Variants in NPR3 observed in about 807,000 individuals in gnomAD.
NPR3 encodes atrial natriuretic peptide receptor 3.
Under a neutral mutation model 54.5 loss-of-function variants are expected in NPR3, and 34 were observed. The ratio of observed to expected loss-of-function variants is 0.62; its 90% confidence interval spans 0.47 to 0.83. NPR3 has a LOEUF of 0.83. Among genes scored for constraint, NPR3 ranks in the 40% least tolerant of loss-of-function variants. The pLI, the probability that NPR3 is intolerant of heterozygous loss-of-function variation, is 0.00. For synonymous variants in NPR3, 289 were observed against 297.1 expected (o/e 0.97, Z 0.28); for missense variants, 674 against 720.8 (o/e 0.94, Z 0.74).
intron 3 of NPR3, among the ~76,000 whole-genome samples, chr5:32,761,792 T>C (rs997988853): frequency 4.6e-5 from 7 of 151,636 alleles, no homozygotes; most frequent in Admixed American, 1.3e-4. Flanking sequence ...CTCAAAAATA[T>C]AATTTTTTTT....
At chr5:32,746,639 C>G (rs1037867519) in intron 3 of NPR3, among the ~76,000 whole-genome samples, 1 of 152,214 alleles carries the variant, frequency 6.6e-6, no homozygotes, top group African/African-American at 2.4e-5. Context: ...AGACAGTTCA[C>G]TCTTTTCAAT....
At chr5:32,774,595 T>A (rs1449397293) in intron 3 of NPR3, 113 bp from the exon 4 acceptor site, 11 of 783,930 alleles carry the variant, frequency 1.4e-5, no homozygotes, top group Non-Finnish European at 2.2e-5. Context: ...TGCCCACCTC[T>A]GCCATGGCTA....
chr5:32,741,844 G>A (rs924548027), intron 3 of NPR3, among the ~76,000 whole-genome samples: 1 of 151,302 alleles, frequency 6.6e-6, no homozygotes, highest in African/African-American at 2.4e-5. Flanking sequence ...TCCTGCCTTC[G>A]ACTCTGGAGT....
intron 3 of NPR3, among the ~76,000 whole-genome samples, chr5:32,767,088 T>C (rs2112029141): frequency 6.6e-6 from 1 of 152,364 alleles, no homozygotes; most frequent in Admixed American, 6.5e-5. Context: ...ACATTGTCAG[T>C]CTTAGTCTTG....
intron 2 of NPR3, among the ~76,000 whole-genome samples, chr5:32,728,837 GTAT>G (rs1739283486): frequency 2.1e-5 from 1 of 48,012 alleles, no homozygotes; most frequent in Admixed American, 3.3e-4. Flanking sequence ...GTGTGTGTGT[GTAT>G]ATATATATAT....
intron 2 of NPR3, among the ~76,000 whole-genome samples, chr5:32,728,218 T>C (rs1324643569): frequency 6.6e-6 from 1 of 152,192 alleles, no homozygotes; most frequent in African/African-American, 2.4e-5. Context: ...ATGCTAGCAC[T>C]TTGGGAGGCT....
intron 2 of NPR3, among the ~76,000 whole-genome samples, chr5:32,729,251 G>C (rs1024350391): frequency 1.3e-5 from 2 of 151,798 alleles, no homozygotes; most frequent in South Asian, 2.1e-4. Flanking sequence ...GGATGGTCTC[G>C]ATCTCCTGAC....
intron 1 of NPR3, among the ~76,000 whole-genome samples, chr5:32,696,834 G>A (rs1246374387): frequency 2.0e-5 from 3 of 152,018 alleles, no homozygotes; most frequent in Admixed American, 2.0e-4. Flanking sequence ...ACTGATTTTT[G>A]TATGTTGATT....
chr5:32,775,738 C>T lies in NPR3; in HGVS notation c.1195+895C>T, dbSNP rs192699157. Among the ~76,000 whole-genome samples the T allele has an allele frequency of 1.2e-4, 19 of 152,252 alleles. No individual in the cohort carries two copies. In the East Asian group the frequency reaches 2.1e-3, roughly 17 times the overall value. ...TCAGCCTCCTGAGTAGCTGGGATTA[C>T]AAGCGTGTGCCATCACGCCTGGCTA... On this transcript the variant is annotated intron_variant, in intron 4 of 7. Transcript: ENST00000265074.
intron 2 of NPR3, among the ~76,000 whole-genome samples, chr5:32,732,032 G>C (rs1739480896): frequency 6.6e-6 from 1 of 151,868 alleles, no homozygotes; most frequent in African/African-American, 2.4e-5. Flanking sequence ...ATGAGGTCAG[G>C]AGATCGAGAC....
intron 2 of NPR3, among the ~76,000 whole-genome samples, chr5:32,727,476 A>C (rs1385997210): frequency 6.6e-6 from 1 of 152,210 alleles, no homozygotes; most frequent in Non-Finnish European, 1.5e-5. Flanking sequence ...TTTGCAGCAA[A>C]GTATGTGATT....
chr5:32,698,527 T>G (rs952139255), intron 1 of NPR3, among the ~76,000 whole-genome samples: 1 of 152,186 alleles, frequency 6.6e-6, no homozygotes, highest in African/African-American at 2.4e-5. Flanking sequence ...CAATGTTTCT[T>G]TGTCAATATT....
At chr5:32,696,824 A>G (rs1740543568) in intron 1 of NPR3, among the ~76,000 whole-genome samples, 1 of 152,164 alleles carries the variant, frequency 6.6e-6, no homozygotes, top group Non-Finnish European at 1.5e-5. Context: ...TAGAAATACT[A>G]CTGATTTTTG....
At chr5:32,722,437 A>G (rs1738914162) in intron 1 of NPR3, among the ~76,000 whole-genome samples, 1 of 152,194 alleles carries the variant, frequency 6.6e-6, no homozygotes, top group Non-Finnish European at 1.5e-5. Context: ...CCTGGACCTC[A>G]TTGAATTTAA....
intron 3 of NPR3, among the ~76,000 whole-genome samples, chr5:32,755,573 T>C (rs1245535823): frequency 1.3e-5 from 2 of 152,190 alleles, no homozygotes; most frequent in Non-Finnish European, 2.9e-5. Context: ...TGAGTAGATA[T>C]GAGCCTCTTA....
chr5:32,722,128 G>A (rs999943197), intron 1 of NPR3, among the ~76,000 whole-genome samples: 2 of 152,106 alleles, frequency 1.3e-5, no homozygotes, highest in Non-Finnish European at 1.5e-5. Context: ...GAGATGGGCC[G>A]GGAATGTAAA....
chr5:32,780,861 G>C (rs767635921), intron 5 of NPR3, 45 bp downstream of exon 5: 1 of 836,006 alleles, frequency 1.2e-6, no homozygotes, highest in South Asian at 1.4e-5. Context: ...TCTGCTCGTG[G>C]GGACTCTGAG....
At chr5:32,765,769 T>C (rs1284828008) in intron 3 of NPR3, among the ~76,000 whole-genome samples, 1 of 152,170 alleles carries the variant, frequency 6.6e-6, no homozygotes, top group African/African-American at 2.4e-5. Context: ...TCTGTGTCCG[T>C]AGGGGTCTTT....
intron 1 of NPR3, among the ~76,000 whole-genome samples, chr5:32,696,364 T>C (rs1181870725): frequency 6.6e-6 from 1 of 152,192 alleles, no homozygotes; most frequent in African/African-American, 2.4e-5. Flanking sequence ...TCTGTGTCTG[T>C]TTTTATGCTA....
Sources: gnomAD v4.1 joint callset for allele counts (sites outside exome capture counted in the v4.1 genomes callset) on GRCh38, gnomAD v4.1.1 for gene constraint, MANE v1.5 for transcripts, NCBI Gene and HGNC (gene_info 2026-07-23, HGNC 2026-07-21) for gene names.